The following COBL variants were observed in gnomAD, a reference collection of about 807,000 sequenced individuals.
COBL encodes the protein cordon-bleu WH2 repeat protein.
In COBL, 51 loss-of-function variants were observed where a neutral mutation model predicts 98.8. The observed-to-expected ratio is 0.52, with a 90% confidence interval of 0.41 to 0.65. COBL has a LOEUF of 0.65. Ranked by LOEUF, COBL falls within the 30% of genes least tolerant of loss-of-function variation. COBL has a pLI of 0.00. For missense variants in COBL, 1,617 were observed against 1,617.5 expected, an observed-to-expected ratio of 1.00 and a Z score of 0.01; for synonymous variants, 634 against 651.7, an observed-to-expected ratio of 0.97 and a Z score of 0.41.
chr7:51,252,316 T>C (rs908712365), intron 1 of COBL, among the ~76,000 whole-genome samples: 1 of 152,216 alleles, frequency 6.6e-6, no homozygotes, highest in Non-Finnish European at 1.5e-5. Context: ...AATTTTAGAC[T>C]CTTTTTATCA....
chr7:51,149,400 C>T (rs1324088311), intron 5 of COBL, among the ~76,000 whole-genome samples: 1 of 152,188 alleles, frequency 6.6e-6, no homozygotes, highest in East Asian at 1.9e-4. Context: ...CCTATCTTCA[C>T]ACTACAAGCA....
rs372462468 is a variant in COBL at position 51,086,664 on chromosome 7, A to C, written c.958-1360T>G. On this transcript the variant is annotated intron_variant, in intron 6 of 12. Coordinates refer to ENST00000265136, the MANE Select transcript of COBL (RefSeq NM_015198.5). ...AGAGAGAGAGTGTGTGTGTGTAAAA[A>C]GTCTCCTTTTAATTTTTATCAGCAG... Among the ~76,000 whole-genome samples, 12 of 152,154 alleles carry C rather than the reference A, an allele frequency of 7.9e-5. No individual in the cohort carries two copies. The East Asian group carries it at 9.7e-4, about 12-fold the overall frequency.
At chr7:51,030,987 G>A (rs1441937744) in intron 8 of COBL, 78 bp from the exon 9 acceptor site, 1 of 980,592 alleles carries the variant, frequency 1.0e-6, no homozygotes, top group East Asian at 2.4e-5. Flanking sequence ...GAATATCTGA[G>A]GATAGAACAG....
At chr7:51,267,963 C>CG (rs372392434) in intron 1 of COBL, among the ~76,000 whole-genome samples, 157 of 152,290 alleles carry the variant, frequency 1.0e-3, no homozygotes, top group African/African-American at 3.7e-3. Context: ...GAAGCACACC[C>CG]GGGGGCCTGT....
intron 7 of COBL, among the ~76,000 whole-genome samples, chr7:51,078,432 T>C (rs987180080): frequency 9.9e-5 from 15 of 152,178 alleles, no homozygotes; most frequent in Admixed American, 5.9e-4. Flanking sequence ...ACTAAGATCC[T>C]TGATGACAAC....
chr7:51,285,720 T>A (rs1223573781), intron 1 of COBL, among the ~76,000 whole-genome samples: 1 of 152,200 alleles, frequency 6.6e-6, no homozygotes, highest in Non-Finnish European at 1.5e-5. Flanking sequence ...CATGGCTGTT[T>A]TTGTAGACAT....
Position 51,028,689 on chromosome 7 carries a change from G to T in COBL, c.2407C>A (p.Pro803Thr). Residue 803 changes from proline to threonine, a missense_variant, in exon 10 of 13, where the codon CCA becomes ACA. By Grantham distance (38) the Pro-to-Thr change is conservative. This residue lies in a region of COBL where 1,304 missense variants were observed against 1,282.0 expected (regional missense o/e 1.02). Coordinates refer to ENST00000265136, the MANE Select transcript of COBL (RefSeq NM_015198.5). ...GGGTCTGCTTGGAGTCTGCTCTCTGGATTCTGCGTCTGCGTGGGCACAGGG... is the reference window on the plus strand; with the variant it reads ...GGGTCTGCTTGGAGTCTGCTCTCTGTATTCTGCGTCTGCGTGGGCACAGGG... ...STPVPTQTQN[P>T]ESRLQADPKP... The T allele has an allele frequency of 6.2e-7, 1 of 1,613,506 alleles. No individual in the cohort carries two copies. The highest frequency in any genetic ancestry group is 8.5e-7 in the Non-Finnish European group (1 of 1,179,688).
At chr7:51,198,388 T>C (rs1284939102) in intron 2 of COBL, among the ~76,000 whole-genome samples, 2 of 152,326 alleles carry the variant, frequency 1.3e-5, no homozygotes, top group South Asian at 2.1e-4. Context: ...TTTAGTCTCA[T>C]GGGCTTCCCT....
intron 7 of COBL, chr7:51,064,999 C>T (rs961071762): frequency 1.7e-6 from 1 of 603,816 alleles, no homozygotes; most frequent in South Asian, 2.0e-5. Context: ...ATATGGCAAG[C>T]TTTCAGACAG....
intron 1 of COBL, among the ~76,000 whole-genome samples, chr7:51,294,228 C>T (rs941231657): frequency 1.3e-5 from 2 of 150,898 alleles, no homozygotes; most frequent in Non-Finnish European, 2.9e-5. Flanking sequence ...GAGACAGAGG[C>T]TGCACTGAGC....
At chr7:51,272,518 G>T (rs955449912) in intron 1 of COBL, among the ~76,000 whole-genome samples, 1 of 151,930 alleles carries the variant, frequency 6.6e-6, no homozygotes, top group East Asian at 1.9e-4. Context: ...CATGGGCGAC[G>T]CAAGAAAAAA....
chr7:51,184,205 A>G lies in COBL; in HGVS notation c.686-6T>C. ...TGATGATTTCCTAAAGGTTTCTGGA[A>G]AAAAAAAGCACTAAGTTATTTTTCA... On this transcript the variant is annotated splice_polypyrimidine_tract_variant and splice_region_variant and intron_variant, in intron 4 of 12. Transcript: ENST00000265136. The G allele has an allele frequency of 1.3e-6, 2 of 1,483,240 alleles. No homozygotes were observed. Among genetic ancestry groups the G allele is most frequent in the South Asian group, 1.3e-5 (1 of 76,740 alleles). The allele number at this position is 1,483,240 out of a possible 1,614,324, so 91.9% of individuals were successfully genotyped here.
intron 1 of COBL, among the ~76,000 whole-genome samples, chr7:51,300,090 T>C (rs1801794137): frequency 6.6e-6 from 1 of 152,188 alleles, no homozygotes. Context: ...CCCTATTACA[T>C]GTGCTCATGC....
At chr7:51,065,766 C>A (rs1309349563) in intron 7 of COBL, among the ~76,000 whole-genome samples, 1 of 152,220 alleles carries the variant, frequency 6.6e-6, no homozygotes, top group Non-Finnish European at 1.5e-5. Context: ...GAAGTCGGAA[C>A]CTCCAGTACT....
chr7:51,246,790 A>T (rs1248587511), intron 1 of COBL, among the ~76,000 whole-genome samples: 1 of 152,252 alleles, frequency 6.6e-6, no homozygotes, highest in Admixed American at 6.5e-5. Context: ...TTTGGCAAGA[A>T]CAAATGGGCT....
At chr7:51,061,377 A>G (rs2128910417) in intron 7 of COBL, among the ~76,000 whole-genome samples, 1 of 152,206 alleles carries the variant, frequency 6.6e-6, no homozygotes, top group Admixed American at 6.5e-5. Flanking sequence ...AAGTTACAGG[A>G]TATCAGGAGA....
chr7:51,052,410 C>T (rs1202335338), intron 7 of COBL, among the ~76,000 whole-genome samples: 1 of 152,170 alleles, frequency 6.6e-6, no homozygotes, highest in Non-Finnish European at 1.5e-5. Flanking sequence ...TTCTATGGAA[C>T]AAATCTTGGA....
At chr7:51,219,667 C>G (rs968393213) in intron 2 of COBL, 74 bp downstream of exon 2, 2 of 1,483,552 alleles carry the variant, frequency 1.3e-6, no homozygotes, top group Admixed American at 1.8e-5. Context: ...AATACATCAA[C>G]ATCCGCCTTT....
chr7:51,113,213 G>A (rs568674105), intron 6 of COBL, among the ~76,000 whole-genome samples: 1 of 152,276 alleles, frequency 6.6e-6, no homozygotes, highest in South Asian at 2.1e-4. Flanking sequence ...TTAAGAGAAT[G>A]GCAAAAGCAG....
Sources: allele counts gnomAD v4.1 joint callset (sites outside exome capture counted in the v4.1 genomes callset), GRCh38; gene constraint gnomAD v4.1.1; regional missense constraint gnomAD v4.1.1; transcripts MANE v1.5; gene names NCBI Gene and HGNC (gene_info 2026-07-23, HGNC 2026-07-21).